Variants in ADAM18 observed in about 807,000 individuals in gnomAD.
The protein encoded by ADAM18 is disintegrin and metalloproteinase domain-containing protein 18.
ADAM18 carries 117 observed loss-of-function variants against 94.4 expected under a neutral mutation model. The observed-to-expected ratio is 1.24, with a 90% CI of 1.07 to 1.45. ADAM18 has a LOEUF of 1.45. Among genes scored for constraint, ADAM18 ranks in the 40% most tolerant of loss-of-function variants. The probability of loss-of-function intolerance (pLI) is 0.00; values close to 1 mark genes in which losing one functional copy is unlikely to be tolerated. For synonymous variants in ADAM18, 327 were observed against 291.6 expected, an observed-to-expected ratio of 1.12 and a Z score of -1.24; for missense variants, 936 against 880.0, an observed-to-expected ratio of 1.06 and a Z score of -0.81.
intron 6 of ADAM18, among the ~76,000 whole-genome samples, chr8:39,618,993 AG>A (rs1250946996): frequency 1.3e-5 from 2 of 152,174 alleles, no homozygotes; most frequent in African/African-American, 2.4e-5. Context: ...CAATAGTTTC[AG>A]GGGGTCTCCC....
intron 6 of ADAM18, among the ~76,000 whole-genome samples, chr8:39,620,970 T>C (rs1819598354): frequency 6.6e-6 from 1 of 151,886 alleles, no homozygotes; most frequent in Admixed American, 6.6e-5. Flanking sequence ...CACTACACAA[T>C]CTATGCATAG....
intron 18 of ADAM18, among the ~76,000 whole-genome samples, chr8:39,721,713 A>T (rs1269890314): frequency 6.6e-6 from 1 of 151,558 alleles, no homozygotes; most frequent in Non-Finnish European, 1.5e-5. Context: ...ACAATGAGTT[A>T]TGTTATCAGG....
rs145869108 is a variant in ADAM18, at chr8:39,720,394, C to T, written c.2018-3354C>T. Reference sequence around the variant, plus strand: ...TGTTTGCATTTTTATGGTTTCATGGCGGTACACAAATAACAAAACCTATCA... The same window carrying T: ...TGTTTGCATTTTTATGGTTTCATGGTGGTACACAAATAACAAAACCTATCA... On this transcript the variant is annotated intron_variant, in intron 18 of 19. Coordinates refer to ENST00000265707, the MANE Select transcript of ADAM18 (RefSeq NM_014237.3). Among the ~76,000 whole-genome samples, 17 of 151,236 alleles carry T rather than the reference C, an allele frequency of 1.1e-4. No individual in the cohort carries two copies. The East Asian group carries it at 1.7e-3, about 16-fold the overall frequency.
intron 11 of ADAM18, 21 bp from the exon 12 acceptor site, chr8:39,648,323 A>G (rs745518507): frequency 1.3e-6 from 2 of 1,554,724 alleles, no homozygotes; most frequent in Non-Finnish European, 1.7e-6. Flanking sequence ...TATTTGCCTG[A>G]GGAATATTAT....
At chr8:39,717,610 C>A (rs1393774615) in intron 18 of ADAM18, among the ~76,000 whole-genome samples, 1 of 151,512 alleles carries the variant, frequency 6.6e-6, no homozygotes, top group African/African-American at 2.4e-5. Flanking sequence ...TACAGATGGA[C>A]TCAAAATGAA....
intron 2 of ADAM18, among the ~76,000 whole-genome samples, chr8:39,586,565 C>T (rs1006606525): frequency 6.6e-6 from 1 of 152,052 alleles, no homozygotes; most frequent in Non-Finnish European, 1.5e-5. Flanking sequence ...GACCCCATCT[C>T]TACAAAAATA....
intron 6 of ADAM18, among the ~76,000 whole-genome samples, chr8:39,614,223 C>G (rs573490338): frequency 5.3e-5 from 8 of 152,210 alleles, no homozygotes; most frequent in Non-Finnish European, 1.2e-4. Context: ...CAAATAGAGA[C>G]AAGGGACAGG....
Position 39,729,777 on chromosome 8 carries a change from A to T in ADAM18, c.2178-121A>T, listed in dbSNP as rs1261438936. 16 of 728,986 alleles carry T rather than the reference A, an allele frequency of 2.2e-5. No homozygotes were observed. In the East Asian group the frequency reaches 3.5e-4, roughly 16 times the overall value. The allele number at this position is 728,986 out of a possible 1,614,324, so 45.2% of individuals were successfully genotyped here. A position where few individuals can be genotyped will look rare whatever the true frequency, so the allele number is the denominator to read the frequency against. Reference sequence around the variant, plus strand: ...ATAGATAACCAAACTTATCTATAATAATCTTTGATTTTTAGCAATTATAAA... The same window carrying T: ...ATAGATAACCAAACTTATCTATAATTATCTTTGATTTTTAGCAATTATAAA... On this transcript the variant is annotated intron_variant, in intron 19 of 19. Transcript: ENST00000265707.
chr8:39,690,528 G>C (rs376302825), intron 16 of ADAM18, among the ~76,000 whole-genome samples: 199 of 152,092 alleles, frequency 1.3e-3, no homozygotes, highest in African/African-American at 4.6e-3. Flanking sequence ...TTTTTATACT[G>C]TGAAAAAATA....
intron 2 of ADAM18, among the ~76,000 whole-genome samples, 178 bp downstream of exon 2, chr8:39,585,530 TC>T (rs1031778732): frequency 6.6e-6 from 1 of 152,230 alleles, no homozygotes; most frequent in Non-Finnish European, 1.5e-5. Context: ...GCTGCTTATT[TC>T]CCTGTCTTTT....
At chr8:39,728,811 G>T (rs1822992782) in intron 19 of ADAM18, among the ~76,000 whole-genome samples, 1 of 152,074 alleles carries the variant, frequency 6.6e-6, no homozygotes. Context: ...ATCAATATTT[G>T]ATTTTGTTTT....
chr8:39,727,841 G>C (rs1490094635), intron 19 of ADAM18, among the ~76,000 whole-genome samples: 2 of 152,080 alleles, frequency 1.3e-5, no homozygotes, highest in Non-Finnish European at 2.9e-5. Context: ...CCCACTGCTA[G>C]TACAAATTTT....
At chr8:39,709,436 G>C (rs1822333169) in intron 18 of ADAM18, among the ~76,000 whole-genome samples, 1 of 152,150 alleles carries the variant, frequency 6.6e-6, no homozygotes, top group Non-Finnish European at 1.5e-5. Context: ...TTTAGGAAAA[G>C]GCAACATTCA....
rs147327830 is a variant in ADAM18 at position 39,627,377 on chromosome 8, C to G, written c.523-1997C>G. ...TTCAATGAGAACAGTATGGGGGAAA[C>G]TGCCCCCATGATTCAATTATCTCCA... is the stretch of plus-strand genomic sequence containing the variant. On this transcript the variant is annotated intron_variant, in intron 6 of 19. Transcript: ENST00000265707. 6.9e-4 allele frequency among the ~76,000 whole-genome samples: 105 copies of G among 152,224 alleles called. No individual in the cohort carries two copies. The East Asian group carries it at 0.017, about 24-fold the overall frequency.
chr8:39,653,478 T>C (rs904803182), intron 12 of ADAM18, among the ~76,000 whole-genome samples: 17 of 152,110 alleles, frequency 1.1e-4, no homozygotes, highest in Non-Finnish European at 1.8e-4. Flanking sequence ...CATAAGTCAA[T>C]ATTAAAAAAG....
chr8:39,724,388 G>A (rs1225382886), intron 19 of ADAM18, among the ~76,000 whole-genome samples: 1 of 151,666 alleles, frequency 6.6e-6, no homozygotes, highest in African/African-American at 2.4e-5. Context: ...TCATTTTAAT[G>A]TCTGTAGGGT....
intron 17 of ADAM18, among the ~76,000 whole-genome samples, chr8:39,699,057 A>G (rs1821997524): frequency 1.3e-5 from 2 of 152,034 alleles, no homozygotes; most frequent in Admixed American, 6.6e-5. Context: ...AAATGATAAT[A>G]ATTCTGTTGT....
At chr8:39,693,052 T>C (rs1052881915) in intron 17 of ADAM18, among the ~76,000 whole-genome samples, 1 of 150,986 alleles carries the variant, frequency 6.6e-6, no homozygotes, top group Non-Finnish European at 1.5e-5. Flanking sequence ...TCAGGGAATA[T>C]TTTTTTCTCA....
intron 10 of ADAM18, among the ~76,000 whole-genome samples, chr8:39,642,922 G>T (rs1820275320): frequency 6.6e-6 from 1 of 151,986 alleles, no homozygotes; most frequent in Non-Finnish European, 1.5e-5. Context: ...ATGAGCATGG[G>T]ATGTTTTTCC....
Sources: gnomAD v4.1 joint callset for allele counts (sites outside exome capture counted in the v4.1 genomes callset) on GRCh38, gnomAD v4.1.1 for gene constraint, MANE v1.5 for transcripts, NCBI Gene and HGNC (gene_info 2026-07-23, HGNC 2026-07-21) for gene names.